Variants in HIVEP3 observed in about 807,000 individuals in gnomAD.
HIVEP3 encodes HIVEP zinc finger 3, also known as transcription factor HIVEP3.
Under a neutral mutation model 152.8 loss-of-function variants are expected in HIVEP3, and 49 were observed. The observed-to-expected ratio is 0.32, with a 90% confidence interval of 0.26 to 0.41. The LOEUF (loss-of-function observed/expected upper bound fraction) is 0.41. Among genes scored for constraint, HIVEP3 ranks in the 10% least tolerant of loss-of-function variants. The pLI is 1.00. For synonymous variants in HIVEP3, 1,269 were observed against 1,289.0 expected, an observed-to-expected ratio of 0.98 and a Z score of 0.33; for missense variants, 2,790 against 3,103.3, an observed-to-expected ratio of 0.90 and a Z score of 2.40.
intron 5 of HIVEP3, chr1:41,543,618 C>G (rs1255805514): frequency 6.6e-6 from 1 of 152,252 alleles, no homozygotes; most frequent in African/African-American, 2.4e-5. Context: ...GCATAGACCC[C>G]TCAACACCTG....
intron 1 of HIVEP3, among the ~76,000 whole-genome samples, chr1:41,895,640 C>T (rs1644515776): frequency 1.3e-5 from 2 of 152,038 alleles, no homozygotes; most frequent in South Asian, 4.2e-4. Flanking sequence ...TAACTGGACC[C>T]CCCGCAGGCC....
intron 2 of HIVEP3, among the ~76,000 whole-genome samples, chr1:41,638,996 C>T (rs186827159): frequency 6.6e-6 from 1 of 152,290 alleles, no homozygotes; most frequent in East Asian, 1.9e-4. Context: ...AGAAGGCTGG[C>T]CCTGAGGCCC....
At chr1:42,033,180 G>T (rs776655690) in intron 1 of HIVEP3, among the ~76,000 whole-genome samples, 5 of 152,096 alleles carry the variant, frequency 3.3e-5, no homozygotes, top group Non-Finnish European at 7.4e-5. Context: ...GAACTCTTTG[G>T]TCTGCCATGC....
At chr1:41,701,037 T>A (rs1271955366) in intron 1 of HIVEP3, 42 bp from the exon 2 acceptor site, 1 of 909,918 alleles carries the variant, frequency 1.1e-6, no homozygotes, top group Admixed American at 6.2e-5. Context: ...GCCACCGCCA[T>A]CTGTCAACTT....
chr1:41,588,839 G>T lies in HIVEP3; in HGVS notation c.-521-3521C>A, dbSNP rs1424993753. Among the ~76,000 whole-genome samples, 5 of 152,162 alleles carry T rather than the reference G, an allele frequency of 3.3e-5. No individual in the cohort carries two copies. The East Asian group carries it at 9.7e-4, about 30-fold the overall frequency. On this transcript the variant is annotated intron_variant, in intron 3 of 8. Transcript: ENST00000372583. ...AGCCACACTGGGGCTTGGACTTCTG[G>T]ACTAGTGCTCTCTGCCAGCCTGCTC...
intron 1 of HIVEP3, among the ~76,000 whole-genome samples, chr1:41,786,661 C>T (rs186220416): frequency 6.6e-6 from 1 of 152,340 alleles, no homozygotes; most frequent in East Asian, 1.9e-4. Context: ...TTTACTACTA[C>T]CTGGTCTCTT....
intron 1 of HIVEP3, among the ~76,000 whole-genome samples, chr1:41,834,995 C>A (rs1206822355): frequency 6.6e-6 from 1 of 152,030 alleles, no homozygotes; most frequent in Non-Finnish European, 1.5e-5. Flanking sequence ...GTGGTCATGG[C>A]AAGGACTCTA....
chr1:41,690,882 C>T (rs1030863783), intron 2 of HIVEP3, among the ~76,000 whole-genome samples: 1 of 152,200 alleles, frequency 6.6e-6, no homozygotes, highest in African/African-American at 2.4e-5. Flanking sequence ...CGCTCCATTG[C>T]ACTCCAGCCT....
chr1:41,873,333 C>T lies in HIVEP3; in HGVS notation c.-801+45080G>A, dbSNP rs1468269030. On this transcript the variant is annotated intron_variant, in intron 1 of 8. Coordinates refer to ENST00000372583, the MANE Select transcript of HIVEP3 (RefSeq NM_024503.5). This position sits in a 1 kb window ranked among gnomAD's most constrained non-coding sequence, Gnocchi z 4.2. ...AGGACTTGGGGGTACCACTAGGCCC[C>T]GGGGACATGCACTCAGCTGGCCCAG... Among the ~76,000 whole-genome samples, 3 of 152,176 alleles carry T rather than the reference C, an allele frequency of 2.0e-5. No homozygotes were observed. Among genetic ancestry groups the T allele is most frequent in the South Asian group, 4.1e-4 (2 of 4,826 alleles).
chr1:41,979,221 C>A (rs1424729083), intron 1 of HIVEP3, among the ~76,000 whole-genome samples: 1 of 152,174 alleles, frequency 6.6e-6, no homozygotes, highest in Non-Finnish European at 1.5e-5. Context: ...CCACTGTTAT[C>A]CACCCTCTGG....
intron 1 of HIVEP3, among the ~76,000 whole-genome samples, chr1:41,906,585 G>A (rs1390885325): frequency 1.3e-5 from 2 of 152,152 alleles, no homozygotes; most frequent in Non-Finnish European, 2.9e-5. Flanking sequence ...GGGATGACGG[G>A]AATGTTCTAT....
At chr1:41,740,431 G>A (rs956812382) in intron 1 of HIVEP3, among the ~76,000 whole-genome samples, 4 of 152,232 alleles carry the variant, frequency 2.6e-5, no homozygotes, top group Non-Finnish European at 4.4e-5. Flanking sequence ...TGGGCGAGGA[G>A]GGAACAGACA....
intron 1 of HIVEP3, among the ~76,000 whole-genome samples, chr1:41,728,181 C>A (rs1646785386): frequency 6.6e-6 from 1 of 152,192 alleles, no homozygotes; most frequent in South Asian, 2.1e-4. Flanking sequence ...AGCTCTCCTA[C>A]TTGGTAGCTG....
chr1:41,633,559 T>C (rs1325306520), intron 2 of HIVEP3, among the ~76,000 whole-genome samples: 2 of 152,128 alleles, frequency 1.3e-5, no homozygotes, highest in African/African-American at 4.8e-5. Flanking sequence ...GACTTTATTA[T>C]CCCAGGAGCC....
rs140771223 is a variant in HIVEP3 at position 41,780,839 on chromosome 1, G to A, written c.-800-79844C>T. On this transcript the variant is annotated intron_variant, in intron 1 of 8. Transcript: ENST00000372583. ...CAGGCATGGAAGGTAGTGCAGGCCTGATTCCTGAGACAAGAACAGGAATGA... is the reference window on the plus strand; with the variant it reads ...CAGGCATGGAAGGTAGTGCAGGCCTAATTCCTGAGACAAGAACAGGAATGA... Among the ~76,000 whole-genome samples, 634 of 152,316 alleles carry A rather than the reference G, an allele frequency of 4.2e-3. 4 individuals are homozygous for A. Among genetic ancestry groups the A allele is most frequent in the African/African-American group, 0.014 (597 of 41,562 alleles).
At chr1:41,794,984 G>A (rs918193283) in intron 1 of HIVEP3, among the ~76,000 whole-genome samples, 3 of 152,236 alleles carry the variant, frequency 2.0e-5, no homozygotes, top group Non-Finnish European at 4.4e-5. Context: ...CTGGAATGTA[G>A]TGGCACAATC....
chr1:41,642,331 G>T (rs1645386635), intron 2 of HIVEP3, among the ~76,000 whole-genome samples: 1 of 152,224 alleles, frequency 6.6e-6, no homozygotes. Context: ...CCCCTGCAAA[G>T]CCCCGCTCTT....
At chr1:42,033,464 C>T (rs1645624596) in intron 1 of HIVEP3, among the ~76,000 whole-genome samples, 1 of 152,184 alleles carries the variant, frequency 6.6e-6, no homozygotes, top group South Asian at 2.1e-4. Context: ...TAGTCCTTTC[C>T]TATGACACAC....
intron 1 of HIVEP3, among the ~76,000 whole-genome samples, chr1:41,879,363 T>A (rs996788481): frequency 6.6e-6 from 1 of 152,212 alleles, no homozygotes; most frequent in African/African-American, 2.4e-5. Flanking sequence ...AGATGCTCAA[T>A]CCCTATAAGG....
Sources: allele counts gnomAD v4.1 joint callset (sites outside exome capture counted in the v4.1 genomes callset), GRCh38; gene constraint gnomAD v4.1.1; non-coding constraint Gnocchi (gnomAD v3.1); transcripts MANE v1.5; gene names NCBI Gene and HGNC (gene_info 2026-07-23, HGNC 2026-07-21).